The following SORCS2 variants were observed in gnomAD, a reference collection of about 807,000 sequenced individuals.
The protein encoded by SORCS2 is sortilin related VPS10 domain containing receptor 2.
SORCS2 carries 100 observed loss-of-function variants against 141.6 expected under a neutral mutation model. The observed-to-expected ratio is 0.71, with a 90% CI of 0.60 to 0.83. The LOEUF (loss-of-function observed/expected upper bound fraction) is 0.83, where lower values mean the gene tolerates loss of function less well. Among genes scored for constraint, SORCS2 ranks in the 40% least tolerant of loss-of-function variants. SORCS2 has a pLI of 0.00. For synonymous variants in SORCS2, 789 were observed against 676.9 expected (o/e 1.17, Z -2.57); for missense variants, 1,646 against 1,560.2 (o/e 1.05, Z -0.93).
In SORCS2 at chr4:7,663,809, G is replaced by T. The variant is rs966788602; in HGVS notation, c.953-544G>T. ...TTCCTCCTGGCTCACAAGCTGGAAC[G>T]CAGAGCTTCCTGAGGCCTCCAGGAT... On this transcript the variant is annotated intron_variant, in intron 6 of 26. Transcript: ENST00000507866. The surrounding 1 kb of genome is among the most constrained non-coding windows in gnomAD (Gnocchi z 4.8). Among the ~76,000 whole-genome samples the T allele has an allele frequency of 6.6e-6, 1 of 152,138 alleles. No individual in the cohort carries two copies. Among genetic ancestry groups the T allele is most frequent in the Non-Finnish European group, 1.5e-5 (1 of 68,024 alleles).
At chr4:7,455,490 G>A (rs376889193) in intron 2 of SORCS2, among the ~76,000 whole-genome samples, 42 of 143,932 alleles carry the variant, frequency 2.9e-4, no homozygotes, top group African/African-American at 1.0e-3. Flanking sequence ...GTCAGGCTCC[G>A]TGTTGGGGTC....
At chr4:7,377,784 G>A (rs1222789474) in intron 1 of SORCS2, among the ~76,000 whole-genome samples, 4 of 152,120 alleles carry the variant, frequency 2.6e-5, no homozygotes, top group Admixed American at 6.5e-5. Context: ...ATAACAAGTC[G>A]GGCCAGTGAA....
intron 2 of SORCS2, among the ~76,000 whole-genome samples, chr4:7,477,637 G>A (rs979099468): frequency 1.3e-5 from 2 of 152,232 alleles, no homozygotes; most frequent in African/African-American, 4.8e-5. Flanking sequence ...GTCAAGAACT[G>A]GAGTCTATTC....
chr4:7,640,843 G>A, intron 4 of SORCS2, among the ~76,000 whole-genome samples: 1 of 152,248 alleles, frequency 6.6e-6, no homozygotes, highest in South Asian at 2.1e-4. Context: ...GCTGGTCAGG[G>A]AACGAGAGGA....
intron 1 of SORCS2, among the ~76,000 whole-genome samples, chr4:7,352,645 C>T (rs747737037): frequency 3.9e-5 from 6 of 152,176 alleles, no homozygotes; most frequent in African/African-American, 1.2e-4. Context: ...CCAGGCTCTG[C>T]GTCACATGCT....
rs71601839 is a variant in SORCS2 at position 7,425,177 on chromosome 4, C to A, written c.548+28822C>A. On this transcript the variant is annotated intron_variant, in intron 2 of 26. Transcript: ENST00000507866. ...AGAATCCACTAGGAACAGCACACCACGCAGGAGCCTCCGTTTTCGGTTTTG... is the reference window on the plus strand; with the variant it reads ...AGAATCCACTAGGAACAGCACACCAAGCAGGAGCCTCCGTTTTCGGTTTTG... Among the ~76,000 whole-genome samples, 26 of 152,326 alleles carry A rather than the reference C, an allele frequency of 1.7e-4. 1 individual carries two copies. In the East Asian group the frequency reaches 4.8e-3, roughly 28 times the overall value.
At chr4:7,370,138 CT>C (rs200707060) in intron 1 of SORCS2, among the ~76,000 whole-genome samples, 27 of 152,102 alleles carry the variant, frequency 1.8e-4, no homozygotes, top group African/African-American at 6.5e-4. Flanking sequence ...AGGAGAGGCC[CT>C]TTTTTTTGCT....
rs556245167 is a variant in SORCS2, at chr4:7,422,424, C to T, written c.548+26069C>T. 3.4e-3 allele frequency among the ~76,000 whole-genome samples: 522 copies of T among 152,272 alleles called. 1 individual carries two copies. The highest frequency in any genetic ancestry group is 0.012 in the African/African-American group (488 of 41,558). On this transcript the variant is annotated intron_variant, in intron 2 of 26. Coordinates refer to ENST00000507866, the MANE Select transcript of SORCS2 (RefSeq NM_020777.3). Reference sequence around the variant, plus strand: ...GTGGCCTTCCTTTCCGTGGACACTGCCCGTGGGCCCACAATGGCTGCCTAG... The same window carrying T: ...GTGGCCTTCCTTTCCGTGGACACTGTCCGTGGGCCCACAATGGCTGCCTAG...
intron 2 of SORCS2, among the ~76,000 whole-genome samples, chr4:7,413,360 GTTC>G (rs1340782931): frequency 9.4e-5 from 12 of 127,418 alleles, no homozygotes; most frequent in African/African-American, 3.4e-4. Flanking sequence ...TATTAAACAT[GTTC>G]TTATGATCCT....
Position 7,479,977 on chromosome 4 carries a change from G to A in SORCS2, c.549-51553G>A, listed in dbSNP as rs149964367. On this transcript the variant is annotated intron_variant, in intron 2 of 26. Transcript: ENST00000507866. Reference sequence around the variant, plus strand: ...GCCATTTATTCCGTGACACCTGGTAGTGAATGCTGCTGGGAGAAGCTCAGG... The same window carrying A: ...GCCATTTATTCCGTGACACCTGGTAATGAATGCTGCTGGGAGAAGCTCAGG... Among the ~76,000 whole-genome samples, 751 of 152,378 alleles carry A rather than the reference G, an allele frequency of 4.9e-3. 6 individuals are homozygous for A. Among genetic ancestry groups the A allele is most frequent in the Non-Finnish European group, 5.5e-3 (375 of 68,032 alleles).
chr4:7,434,114 C>T (rs889790986), intron 2 of SORCS2: 2 of 1,612,764 alleles, frequency 1.2e-6, no homozygotes, highest in African/African-American at 1.3e-5. Context: ...GCCCCTAGCT[C>T]CTCACAGAAT....
chr4:7,240,165 G>A (rs1712593330), intron 1 of SORCS2, among the ~76,000 whole-genome samples: 2 of 152,298 alleles, frequency 1.3e-5, no homozygotes, highest in South Asian at 2.1e-4. Flanking sequence ...CGGGGCTGTC[G>A]TGATCCCCGA....
At chr4:7,250,282 C>T (rs1006624655) in intron 1 of SORCS2, among the ~76,000 whole-genome samples, 2 of 144,480 alleles carry the variant, frequency 1.4e-5, no homozygotes, top group Non-Finnish European at 3.1e-5. Flanking sequence ...AAGGTGAAGG[C>T]CTGCTTCCAT....
At chr4:7,326,356 C>T (rs1448210948) in intron 1 of SORCS2, among the ~76,000 whole-genome samples, 1 of 152,090 alleles carries the variant, frequency 6.6e-6, no homozygotes, top group Non-Finnish European at 1.5e-5. Context: ...GTCTCCTCGT[C>T]TGTAAAGTGG....
chr4:7,209,078 C>G (rs1727908960), intron 1 of SORCS2, among the ~76,000 whole-genome samples: 1 of 152,196 alleles, frequency 6.6e-6, no homozygotes, highest in African/African-American at 2.4e-5. Context: ...AAGCTGCAGA[C>G]CTCGTGAAAC....
intron 10 of SORCS2, among the ~76,000 whole-genome samples, chr4:7,688,218 C>T (rs1158457289): frequency 6.6e-5 from 10 of 152,066 alleles, no homozygotes; most frequent in Non-Finnish European, 1.2e-4. Context: ...GATATGATAC[C>T]GCAATGACGA....
At chr4:7,387,467 A>G (rs1488085431) in intron 1 of SORCS2, among the ~76,000 whole-genome samples, 1 of 149,818 alleles carries the variant, frequency 6.7e-6, no homozygotes, top group Non-Finnish European at 1.5e-5. Flanking sequence ...ACACAGATAC[A>G]GAGATACACA....
chr4:7,319,559 A>C (rs1718768346), intron 1 of SORCS2, among the ~76,000 whole-genome samples: 1 of 151,988 alleles, frequency 6.6e-6, no homozygotes, highest in Non-Finnish European at 1.5e-5. Flanking sequence ...AAAGACAAAA[A>C]ACAAAAAACT....
intron 1 of SORCS2, among the ~76,000 whole-genome samples, chr4:7,280,176 G>C (rs943190164): frequency 6.6e-6 from 1 of 152,082 alleles, no homozygotes; most frequent in African/African-American, 2.4e-5. Flanking sequence ...AGCCTACCTG[G>C]TCATATCTTC....
Sources: gnomAD v4.1 joint callset for allele counts (sites outside exome capture counted in the v4.1 genomes callset) on GRCh38, gnomAD v4.1.1 for gene constraint, Gnocchi (gnomAD v3.1) non-coding constraint, MANE v1.5 for transcripts, NCBI Gene and HGNC (gene_info 2026-07-23, HGNC 2026-07-21) for gene names.